KANK4: variants seen among roughly 807,000 people sequenced by gnomAD.
KANK4 encodes the protein KN motif and ankyrin repeat domains 4.
A neutral mutation model predicts 80.8 loss-of-function variants in KANK4; 50 were observed. The ratio of observed to expected loss-of-function variants is 0.62; its 90% CI spans 0.49 to 0.78. The LOEUF (loss-of-function observed/expected upper bound fraction) is 0.78, where lower values mean the gene tolerates loss of function less well. Ranked by LOEUF, KANK4 falls within the 30% of genes least tolerant of loss-of-function variation. KANK4 has a pLI of 0.00. For synonymous variants in KANK4, 465 were observed against 506.9 expected (o/e 0.92, Z 1.11); for missense variants, 1,196 against 1,240.1 (o/e 0.96, Z 0.53).
chr1:62,305,310 T>C (rs1347189199), intron 1 of KANK4, among the ~76,000 whole-genome samples: 4 of 66,454 alleles, frequency 6.0e-5, no homozygotes, highest in African/African-American at 2.6e-4. Context: ...TTGCTTGAGA[T>C]TTTTTTTTTC....
intron 1 of KANK4, among the ~76,000 whole-genome samples, chr1:62,303,703 G>A (rs564409323): frequency 6.6e-6 from 1 of 151,948 alleles, no homozygotes; most frequent in East Asian, 1.9e-4. Flanking sequence ...GACTTAATAT[G>A]AAAAAATGAA....
chr1:62,310,154 G>C (rs116747469), intron 1 of KANK4, among the ~76,000 whole-genome samples: 3,805 of 152,288 alleles, frequency 0.025, 68 homozygotes, highest in Non-Finnish European at 0.035. Flanking sequence ...ATCAGTCCCA[G>C]GGCAGGGCAG....
chr1:62,251,769 G>A (rs999890485), intron 8 of KANK4, among the ~76,000 whole-genome samples: 1 of 152,154 alleles, frequency 6.6e-6, no homozygotes, highest in African/African-American at 2.4e-5. Context: ...CGAGGCGGGT[G>A]GATCACCTGA....
Position 62,268,456 on chromosome 1 carries a change from C to G in KANK4, c.2062G>C (p.Glu688Gln). The G allele has an allele frequency of 1.9e-6, 3 of 1,613,898 alleles. No individual in the cohort carries two copies. The highest frequency in any genetic ancestry group is 2.5e-6 in the Non-Finnish European group (3 of 1,180,026). ...TCTGCCTCGCTGTCAGACAAGTCCT[C>G]TGGGGTGCTGTCCTCACCGCTGGTC... Reference protein sequence around the residue: ...EETSGEDSTPEDLSDSEAEKK... With the variant: ...EETSGEDSTPQDLSDSEAEKK... The change falls in exon 5 of 10, where the codon GAG becomes CAG. Residue 688 changes from glutamate to glutamine, a missense_variant. Physicochemically the swap from Glu to Gln is conservative, Grantham distance 29 (BLOSUM62 2). This residue lies in a region of KANK4 where 1,154 missense variants were observed against 1,179.6 expected (regional missense o/e 0.98). Transcript: ENST00000371153.
chr1:62,293,192 A>T (rs549380550), intron 1 of KANK4, among the ~76,000 whole-genome samples: 134 of 151,626 alleles, frequency 8.8e-4, no homozygotes, highest in African/African-American at 3.1e-3. Flanking sequence ...AGTTCAAGTG[A>T]TTCTCCTGCC....
At chr1:62,252,953 C>T in intron 8 of KANK4, 114 bp downstream of exon 8, 1 of 1,302,222 alleles carries the variant, frequency 7.7e-7, no homozygotes, top group Non-Finnish European at 1.1e-6. Flanking sequence ...AGGTCCCAGC[C>T]TCCTTGGGTT....
chr1:62,249,225 A>C (rs1483622250), intron 8 of KANK4, among the ~76,000 whole-genome samples: 2 of 151,752 alleles, frequency 1.3e-5, no homozygotes, highest in Non-Finnish European at 2.9e-5. Flanking sequence ...TTTTGTGGGA[A>C]TCAAGTGAGA....
intron 9 of KANK4, among the ~76,000 whole-genome samples, chr1:62,244,030 T>G (rs1235086483): frequency 6.6e-6 from 1 of 151,986 alleles, no homozygotes; most frequent in Non-Finnish European, 1.5e-5. Context: ...TGTGTGCTCC[T>G]AGATGTCAGA....
chr1:62,286,546 T>TCCGAGGAACACATCTAGAGACAG (rs1672568814), intron 1 of KANK4, among the ~76,000 whole-genome samples: 1 of 152,180 alleles, frequency 6.6e-6, no homozygotes, highest in South Asian at 2.1e-4. Flanking sequence ...TCTAGAGACA[T>TCCGAGGAACACATCTAGAGACAG]CCAAACAACA....
intron 1 of KANK4, among the ~76,000 whole-genome samples, chr1:62,303,598 T>A (rs552833825): frequency 6.6e-6 from 1 of 152,070 alleles, no homozygotes; most frequent in East Asian, 1.9e-4. Context: ...AGTGGCTAAC[T>A]AACTACATGT....
intron 1 of KANK4, among the ~76,000 whole-genome samples, chr1:62,291,414 T>C (rs772900484): frequency 3.9e-5 from 6 of 152,200 alleles, no homozygotes; most frequent in Non-Finnish European, 8.8e-5. Flanking sequence ...AAGATAAGCT[T>C]CCAGCTTCAT....
chr1:62,254,736 T>TA (rs997412149), intron 7 of KANK4, among the ~76,000 whole-genome samples: 1 of 151,272 alleles, frequency 6.6e-6, no homozygotes, highest in African/African-American at 2.4e-5. Flanking sequence ...TATTTTTTTT[T>TA]AATGTATTTT....
chr1:62,247,959 A>G (rs960598143), intron 8 of KANK4, among the ~76,000 whole-genome samples: 1 of 152,008 alleles, frequency 6.6e-6, no homozygotes, highest in African/African-American at 2.4e-5. Context: ...TTTCTCACGG[A>G]TTGTGACATT....
chr1:62,296,552 T>C (rs1435348905), intron 1 of KANK4, among the ~76,000 whole-genome samples: 1 of 152,070 alleles, frequency 6.6e-6, no homozygotes, highest in African/African-American at 2.4e-5. Flanking sequence ...TTTTTTTGGT[T>C]TTTGTTTTTG....
At chr1:62,269,709 A>G (rs779002387) in intron 4 of KANK4, among the ~76,000 whole-genome samples, 1 of 152,182 alleles carries the variant, frequency 6.6e-6, no homozygotes, top group Non-Finnish European at 1.5e-5. Context: ...TGGAGCTTAT[A>G]TTCTAGAAGG....
intron 7 of KANK4, among the ~76,000 whole-genome samples, chr1:62,259,178 G>A (rs1250741842): frequency 6.6e-6 from 1 of 152,142 alleles, no homozygotes; most frequent in Non-Finnish European, 1.5e-5. Flanking sequence ...TCAGACTTTT[G>A]ATGTTCATTG....
intron 7 of KANK4, among the ~76,000 whole-genome samples, chr1:62,257,253 C>A (rs188431809): frequency 0.014 from 2,172 of 152,064 alleles, 43 homozygotes; most frequent in African/African-American, 0.05. Flanking sequence ...ACGCCCGGCT[C>A]ATTTTTGTAT....
chr1:62,266,606 C>T, intron 6 of KANK4, 126 bp downstream of exon 6: 1 of 683,966 alleles, frequency 1.5e-6, no homozygotes, highest in Non-Finnish European at 2.7e-6. Flanking sequence ...AAACTGCACA[C>T]TCACACCACT....
At chr1:62,313,496 C>T (rs1332784692) in intron 1 of KANK4, among the ~76,000 whole-genome samples, 1 of 152,230 alleles carries the variant, frequency 6.6e-6, no homozygotes, top group African/African-American at 2.4e-5. Context: ...TTCTTTTCCT[C>T]TCACTCCCAA....
Sources: gnomAD v4.1 joint callset for allele counts (sites outside exome capture counted in the v4.1 genomes callset) on GRCh38, gnomAD v4.1.1 for gene constraint, gnomAD v4.1.1 regional missense constraint, MANE v1.5 for transcripts, NCBI Gene and HGNC (gene_info 2026-07-23, HGNC 2026-07-21) for gene names.